The following ZC4H2 variants were observed in gnomAD, a reference collection of about 807,000 sequenced individuals.
ZC4H2 encodes zinc finger C4H2-type containing.
For synonymous variants in ZC4H2, 84 were observed against 66.3 expected (o/e 1.27, Z -1.30); for missense variants, 137 against 173.9 (o/e 0.79, Z 1.19).
chrX:64,933,961 T>G (rs1417453198), intron 1 of ZC4H2, among the ~76,000 whole-genome samples: 1 of 111,233 alleles, frequency 9.0e-6, no homozygotes, highest in Non-Finnish European at 1.9e-5. Context: ...CTCAATGAGA[T>G]GTGCTGAGGT....
chrX:64,916,000 A>G lies in ZC4H2; in HGVS notation c.*1783T>C, dbSNP rs1245068328. The stretch of plus-strand genomic sequence containing the variant: ...TTTCAACCACTCTCATCATCAAGCC[A>G]TTCTGAAAGGGAGAAAGGTTTTCTT... On this transcript the variant is annotated 3_prime_UTR_variant, in exon 5 of 5. Transcript: ENST00000374839. 2.7e-5 allele frequency: 3 copies of G among 111,967 alleles called. No homozygotes were observed. Among genetic ancestry groups the G allele is most frequent in the Non-Finnish European group, 5.6e-5 (3 of 53,262 alleles). 9.2% of individuals were successfully genotyped at this position (111,967 alleles called of 1,213,427 possible).
intron 1 of ZC4H2, among the ~76,000 whole-genome samples, chrX:64,974,086 T>C (rs1931865700): frequency 8.9e-6 from 1 of 111,895 alleles, no homozygotes; most frequent in Non-Finnish European, 1.9e-5. Flanking sequence ...TCCTGGGAAT[T>C]TGTTGGCATA....
At chrX:64,951,122 C>T (rs1258666833) in intron 1 of ZC4H2, among the ~76,000 whole-genome samples, 1 of 111,844 alleles carries the variant, frequency 8.9e-6, no homozygotes, top group Non-Finnish European at 1.9e-5. Context: ...CATGTCCCTA[C>T]AAAGGAAATG....
chrX:64,988,915 G>C (rs1285698055), intron 1 of ZC4H2, among the ~76,000 whole-genome samples: 1 of 94,582 alleles, frequency 1.1e-5, no homozygotes, highest in African/African-American at 7.1e-5. Flanking sequence ...TGTAAGGAAG[G>C]GATCCAGTTT....
At chrX:64,919,260 C>T in intron 3 of ZC4H2, 56 bp from the exon 4 acceptor site, 3 of 1,170,863 alleles carry the variant, frequency 2.6e-6, no homozygotes, top group Non-Finnish European at 3.5e-6. Flanking sequence ...GAACCTTGCT[C>T]CTCTTAAAGA....
chrX:64,919,052 G>T lies in ZC4H2; in HGVS notation c.551C>A (p.Pro184Gln). Reference sequence around the variant, plus strand: ...ACCCAGCTCACTTACCTTCATAGGTGGGGGCTGCTGCCTGAAGGTGGCCGT... The same window carrying T: ...ACCCAGCTCACTTACCTTCATAGGTTGGGGCTGCTGCCTGAAGGTGGCCGT... Reference protein sequence around the residue: ...RQTATFRQQPPPMKACLSCHQ... With the variant: ...RQTATFRQQPQPMKACLSCHQ... Residue 184 changes from proline to glutamine, a missense_variant, in exon 4 of 5, where the codon CCA becomes CAA. Physicochemically the swap from Pro to Gln is moderately conservative, Grantham distance 76. Transcript: ENST00000374839. 1 of 1,165,745 alleles carries T rather than the reference G, an allele frequency of 8.6e-7. No homozygotes were observed. The highest frequency in any genetic ancestry group is 1.1e-6 in the Non-Finnish European group (1 of 870,626).
intron 1 of ZC4H2, among the ~76,000 whole-genome samples, chrX:64,932,652 T>C (rs986538599): frequency 9.0e-6 from 1 of 111,605 alleles, no homozygotes; most frequent in African/African-American, 3.2e-5. Context: ...AATTTTAGGG[T>C]GACATTATTT....
At chrX:65,017,196 T>TC (rs1297811495) in intron 1 of ZC4H2, among the ~76,000 whole-genome samples, 1 of 111,889 alleles carries the variant, frequency 8.9e-6, no homozygotes, top group East Asian at 2.8e-4. Flanking sequence ...GCCATAACCA[T>TC]CCCCCTTGTG....
intron 1 of ZC4H2, among the ~76,000 whole-genome samples, chrX:64,991,743 C>A (rs1448008442): frequency 1.8e-5 from 2 of 111,842 alleles, no homozygotes; most frequent in Non-Finnish European, 1.9e-5. Flanking sequence ...GCAGCATTAA[C>A]CTTAAGAGCC....
intron 1 of ZC4H2, among the ~76,000 whole-genome samples, chrX:65,010,877 CAT>C (rs1350801925): frequency 2.7e-5 from 3 of 111,885 alleles, no homozygotes; most frequent in South Asian, 7.3e-4. Flanking sequence ...AATTTATTTT[CAT>C]AGTTACTATT....
chrX:64,976,451 A>G, upstream of ZC4H2: 1 of 1,079,465 alleles, frequency 9.3e-7, no homozygotes, highest in East Asian at 3.0e-5. Flanking sequence ...GACACAATGT[A>G]GCCACCTCCT....
At chrX:64,919,823 C>T (rs1026174428) in intron 3 of ZC4H2, 8 of 313,773 alleles carry the variant, frequency 2.5e-5, no homozygotes, top group South Asian at 1.3e-4. Context: ...ATTTAAAAAG[C>T]CACCTAGTAG....
chrX:65,005,004 C>A (rs1932627037), intron 1 of ZC4H2, among the ~76,000 whole-genome samples: 1 of 111,021 alleles, frequency 9.0e-6, no homozygotes, highest in African/African-American at 3.3e-5. Flanking sequence ...GATTAAAATA[C>A]CTAGGAATAA....
chrX:64,945,673 G>A (rs1427351258), intron 1 of ZC4H2, among the ~76,000 whole-genome samples: 1 of 111,468 alleles, frequency 9.0e-6, no homozygotes, highest in Admixed American at 9.5e-5. Flanking sequence ...TGCTGAAGCT[G>A]CCCCCACAGC....
chrX:64,962,455 C>G (rs1441397661), intron 1 of ZC4H2, among the ~76,000 whole-genome samples: 1 of 111,333 alleles, frequency 9.0e-6, no homozygotes, highest in African/African-American at 3.3e-5. Flanking sequence ...CTAAGTCATA[C>G]TTAATGGTAA....
chrX:65,005,894 G>A (rs913483973), intron 1 of ZC4H2, among the ~76,000 whole-genome samples: 2 of 110,167 alleles, frequency 1.8e-5, no homozygotes, highest in Non-Finnish European at 3.8e-5. Context: ...AAAAGTGGGT[G>A]AAGGAGATGA....
intron 3 of ZC4H2, chrX:64,919,721 G>T (rs761700362): frequency 3.8e-4 from 65 of 168,939 alleles, no homozygotes; most frequent in Non-Finnish European, 6.4e-4. Flanking sequence ...TGTTTTTAGA[G>T]GTTTCTAGAT....
At chrX:64,974,970 T>C (rs1931895582) in intron 1 of ZC4H2, among the ~76,000 whole-genome samples, 1 of 75,262 alleles carries the variant, frequency 1.3e-5, no homozygotes, top group African/African-American at 7.2e-5. Context: ...CTGATGCTTT[T>C]GCCAAAAAAA....
Position 64,916,237 on chromosome X carries a change from C to A in ZC4H2, c.*1546G>T, listed in dbSNP as rs1289909635. ...GTCAAATACAATCATTTATATTAAG[C>A]AACTTGCATAGGTACCTGGCACAGA... On this transcript the variant is annotated 3_prime_UTR_variant, in exon 5 of 5. Transcript: ENST00000374839. 9.0e-6 allele frequency: 1 copy of A among 110,993 alleles called. No homozygotes were observed. 9.1% of individuals were successfully genotyped at this position (110,993 alleles called of 1,213,427 possible).
Sources: allele counts gnomAD v4.1 joint callset (sites outside exome capture counted in the v4.1 genomes callset), GRCh38; gene constraint gnomAD v4.1.1; transcripts MANE v1.5; gene names NCBI Gene and HGNC (gene_info 2026-07-23, HGNC 2026-07-21).